Variants in SPDL1 observed in about 807,000 individuals in gnomAD.
The protein encoded by SPDL1 is spindle apparatus coiled-coil protein 1, also known as protein Spindly.
In SPDL1, 85 loss-of-function variants were observed where a neutral mutation model predicts 79.5. That is an observed-to-expected ratio of 1.07 (90% CI 0.90 to 1.28). The LOEUF is 1.28. Among genes scored for constraint, SPDL1 ranks in the 50% most tolerant of loss-of-function variants. The pLI, the probability that SPDL1 is intolerant of heterozygous loss-of-function variation, is 0.00. For missense variants in SPDL1, 703 were observed against 697.8 expected (o/e 1.01, Z -0.08); for synonymous variants, 269 against 240.3 (o/e 1.12, Z -1.10).
chr5:169,594,608 T>C lies in SPDL1; in HGVS notation c.818T>C (p.Ile273Thr). ...AGGGCAGCAATGGAACGTCAGCTCATCAGTATGAAAGTCAAGTATCAGTCA... is the reference window on the plus strand; with the variant it reads ...AGGGCAGCAATGGAACGTCAGCTCACCAGTATGAAAGTCAAGTATCAGTCA... ...DRRAAMERQL[I>T]SMKVKYQSLK... Residue 273 changes from isoleucine (I) to threonine (T), a missense_variant, in exon 7 of 12, where the codon ATC (isoleucine) becomes ACC (threonine). By Grantham distance (89) the Ile-to-Thr change is moderately conservative. Coordinates refer to ENST00000265295, the MANE Select transcript of SPDL1 (RefSeq NM_017785.5). 6.2e-7 allele frequency: 1 copy of C among 1,614,002 alleles called. No homozygotes were observed. The highest frequency in any genetic ancestry group is 8.5e-7 in the Non-Finnish European group (1 of 1,179,876).
intron 1 of SPDL1, 75 bp from the exon 2 acceptor site, chr5:169,588,319 G>C: frequency 9.7e-7 from 1 of 1,033,278 alleles, no homozygotes; most frequent in East Asian, 2.5e-5. Context: ...GAGTAGATAT[G>C]TTTCTTCTGT....
At position 169,601,437 on chromosome 5, in the gene SPDL1, A is replaced by G. The variant is rs890999157; in HGVS notation, c.1482A>G (p.Leu494=). ...KEETQSCPNS[L]EDNNLQLEKS... ...AGACACAGTCCTGCCCTAACAGTTTAGAAGATAACAACTTGCAATTAGAAA... is the reference window on the plus strand; with the variant it reads ...AGACACAGTCCTGCCCTAACAGTTTGGAAGATAACAACTTGCAATTAGAAA... Residue 494 remains leucine, a synonymous_variant, in exon 11 of 12, where the codon TTA becomes TTG. Transcript: ENST00000265295. The G allele has an allele frequency of 6.2e-7, 1 of 1,614,226 alleles. No individual in the cohort carries two copies. Among genetic ancestry groups the G allele is most frequent in the Non-Finnish European group, 8.5e-7 (1 of 1,180,040 alleles).
chr5:169,590,341 T>C (rs1166044172), intron 2 of SPDL1, among the ~76,000 whole-genome samples: 1 of 152,214 alleles, frequency 6.6e-6, no homozygotes, highest in Non-Finnish European at 1.5e-5. Context: ...AATAAAACTG[T>C]TATACTTAAT....
intron 3 of SPDL1, 48 bp from the exon 4 acceptor site, chr5:169,593,306 A>G: frequency 6.8e-7 from 1 of 1,474,822 alleles, no homozygotes; most frequent in Non-Finnish European, 9.1e-7. Flanking sequence ...GATTGTTTTT[A>G]GAAAGAAAAT....
Position 169,594,554 on chromosome 5 carries a change from A to G in SPDL1, c.781-17A>G. 2 of 1,611,868 alleles carry G rather than the reference A, an allele frequency of 1.2e-6. 1 individual carries two copies. Among genetic ancestry groups the G allele is most frequent in the Middle Eastern group, 3.3e-4 (2 of 6,056 alleles). On this transcript the variant is annotated splice_polypyrimidine_tract_variant and intron_variant, in intron 6 of 11. Transcript: ENST00000265295. ...TCATTTACTACCAGAACAATTAAGC[A>G]TGTTAATATTTTGTAGGTGGAAGAT...
At chr5:169,601,788 A>G (rs943772482) in intron 11 of SPDL1, 163 bp downstream of exon 11, 2 of 742,538 alleles carry the variant, frequency 2.7e-6, no homozygotes, top group South Asian at 1.5e-5. Context: ...GAACTTTAAG[A>G]AAGACTAAAC....
chr5:169,598,924 T>C (rs1484393627), intron 9 of SPDL1, 48 bp from the exon 10 acceptor site: 5 of 1,497,676 alleles, frequency 3.3e-6, no homozygotes, highest in East Asian at 2.3e-5. Context: ...ACTACACTTA[T>C]TATATGCTGT....
intron 3 of SPDL1, 113 bp downstream of exon 3, chr5:169,591,337 T>A: frequency 9.8e-7 from 1 of 1,020,296 alleles, no homozygotes; most frequent in Non-Finnish European, 1.4e-6. Context: ...AGCCAAGATC[T>A]AAGTCTTCAT....
At chr5:169,589,308 A>G (rs987956054) in intron 2 of SPDL1, among the ~76,000 whole-genome samples, 3 of 152,132 alleles carry the variant, frequency 2.0e-5, no homozygotes, top group Non-Finnish European at 4.4e-5. Context: ...CATTGTTGCC[A>G]TTCATGCCAT....
Position 169,594,234 on chromosome 5 carries a change from G to T in SPDL1, c.621G>T (p.Arg207=), listed in dbSNP as rs1755460346. ...LITNLMRQVD[R]LKEEKEEREK... Reference sequence around the variant, plus strand: ...CTAACCTAATGCGCCAGGTAGACCGGCTTAAAGAGGAAAAAGAGGAGCGAG... The same window carrying T: ...CTAACCTAATGCGCCAGGTAGACCGTCTTAAAGAGGAAAAAGAGGAGCGAG... Residue 207 remains arginine, a synonymous_variant, in exon 5 of 12, where the codon CGG becomes CGT. Coordinates refer to ENST00000265295, the MANE Select transcript of SPDL1 (RefSeq NM_017785.5). The T allele has an allele frequency of 3.7e-6, 6 of 1,613,936 alleles. No individual in the cohort carries two copies. Among genetic ancestry groups the T allele is most frequent in the South Asian group, 1.1e-5 (1 of 91,078 alleles).
chr5:169,593,330 T>A (rs753204003), intron 3 of SPDL1, 24 bp from the exon 4 acceptor site: 2 of 1,558,842 alleles, frequency 1.3e-6, no homozygotes, highest in Admixed American at 2.0e-5. Flanking sequence ...TTTCAATTTA[T>A]GACTTTTTTT....
chr5:169,592,366 C>T (rs1385803462), intron 3 of SPDL1, among the ~76,000 whole-genome samples: 3 of 151,608 alleles, frequency 2.0e-5, no homozygotes, highest in East Asian at 1.9e-4. Context: ...TACAGGTGTG[C>T]GCCACCACGC....
intron 3 of SPDL1, among the ~76,000 whole-genome samples, chr5:169,592,214 C>CTTTT (rs397884840): frequency 6.3e-4 from 61 of 97,078 alleles, no homozygotes; most frequent in East Asian, 9.4e-4. Flanking sequence ...TTTTTTTTTC[C>CTTTT]TTTTTTTTTT....
At chr5:169,602,196 C>A (rs548760545) in intron 11 of SPDL1, among the ~76,000 whole-genome samples, 4 of 152,194 alleles carry the variant, frequency 2.6e-5, no homozygotes, top group Admixed American at 2.0e-4. Context: ...AAAGAAATAG[C>A]GTCAGATATG....
At position 169,588,463 on chromosome 5, in the gene SPDL1, C is replaced by T. The variant is rs559833981; in HGVS notation, c.47C>T (p.Ala16Val). The T allele has an allele frequency of 9.5e-5, 154 of 1,613,372 alleles. 1 individual carries two copies. In the Middle Eastern group the frequency reaches 1.3e-3, roughly 14 times the overall value. ...AATCTTCGATGCAGGCTCAAAGAGG[C>T]TGAAGAAGAGCGACTAAAAGCTGCA... is the stretch of plus-strand genomic sequence containing the variant. ...ITNLRCRLKE[A>V]EEERLKAAQY... is the part of the protein sequence containing the mutation. The change falls in exon 2 of 12, where the codon GCT becomes GTT. Residue 16 changes from alanine to valine, a missense_variant. Coordinates refer to ENST00000265295, the MANE Select transcript of SPDL1 (RefSeq NM_017785.5).
chr5:169,593,634 C>T, intron 4 of SPDL1, 86 bp downstream of exon 4: 1 of 1,353,124 alleles, frequency 7.4e-7, no homozygotes, highest in African/African-American at 1.5e-5. Context: ...TTCTTAAGAG[C>T]TAGTTTGAAG....
intron 3 of SPDL1, among the ~76,000 whole-genome samples, chr5:169,592,256 G>A (rs1207932040): frequency 4.3e-5 from 5 of 116,352 alleles, no homozygotes; most frequent in Non-Finnish European, 8.1e-5. Flanking sequence ...TCACACTGTC[G>A]CCCAGGCTGG....
At chr5:169,594,941 ATCTT>A (rs564715042) in intron 7 of SPDL1, among the ~76,000 whole-genome samples, 92 of 152,264 alleles carry the variant, frequency 6.0e-4, no homozygotes, top group Admixed American at 2.2e-3. Flanking sequence ...TTTGACTTAA[ATCTT>A]TCTTTGTGGA....
intron 1 of SPDL1, among the ~76,000 whole-genome samples, chr5:169,584,967 GCCA>G (rs775775284): frequency 2.9e-4 from 43 of 149,624 alleles, no homozygotes; most frequent in Non-Finnish European, 5.5e-4. Context: ...CCGAGATTGC[GCCA>G]CTGCAGTCCG....
Sources: gnomAD v4.1 joint callset for allele counts (sites outside exome capture counted in the v4.1 genomes callset) on GRCh38, gnomAD v4.1.1 for gene constraint, MANE v1.5 for transcripts, NCBI Gene and HGNC (gene_info 2026-07-23, HGNC 2026-07-21) for gene names.